The following RBL2 variants were observed in gnomAD, a reference collection of about 807,000 sequenced individuals.
The protein encoded by RBL2 is retinoblastoma-like protein 2.
Under a neutral mutation model 126.0 loss-of-function variants are expected in RBL2, and 56 were observed. The observed-to-expected ratio is 0.44, with a 90% confidence interval of 0.36 to 0.56. The LOEUF (loss-of-function observed/expected upper bound fraction) is 0.56, where lower values mean the gene tolerates loss of function less well. Ranked by LOEUF, RBL2 falls within the 20% of genes least tolerant of loss-of-function variation. The pLI is 0.00. For synonymous variants in RBL2, 454 were observed against 478.5 expected (o/e 0.95, Z 0.67); for missense variants, 1,229 against 1,398.2 (o/e 0.88, Z 1.93).
intron 8 of RBL2, among the ~76,000 whole-genome samples, chr16:53,457,897 T>G (rs1469198789): frequency 6.6e-6 from 1 of 152,206 alleles, no homozygotes; most frequent in Non-Finnish European, 1.5e-5. Context: ...TGTGGTTATA[T>G]GCTGCTGGCT....
chr16:53,435,264 G>A (rs2153136760), intron 1 of RBL2, among the ~76,000 whole-genome samples: 1 of 152,258 alleles, frequency 6.6e-6, no homozygotes. Flanking sequence ...CTTTGCCCTG[G>A]CGTTGCGGGC....
chr16:53,457,277 T>TTTTTTTTTTTTTTTTTTG (rs1213898728), intron 8 of RBL2, among the ~76,000 whole-genome samples: 1 of 139,982 alleles, frequency 7.1e-6, no homozygotes, highest in Non-Finnish European at 1.6e-5. Flanking sequence ...TTTTTTTTTT[T>TTTTTTTTTTTTTTTTTTG]GAGATGGAGT....
At chr16:53,440,656 C>T (rs72801817) in intron 2 of RBL2, among the ~76,000 whole-genome samples, 45,213 of 151,954 alleles carry the variant, frequency 0.3, 7,108 homozygotes, top group Middle Eastern at 0.36. Context: ...CAGGTTCAAA[C>T]GATTCTCCCG....
chr16:53,436,023 AC>A (rs2057955298), intron 1 of RBL2, among the ~76,000 whole-genome samples: 1 of 152,184 alleles, frequency 6.6e-6, no homozygotes, highest in Non-Finnish European at 1.5e-5. Context: ...CACATAAAGC[AC>A]CCATATGGAC....
chr16:53,441,662 GAT>G (rs2058017590), intron 2 of RBL2, among the ~76,000 whole-genome samples: 1 of 152,132 alleles, frequency 6.6e-6, no homozygotes, highest in African/African-American at 2.4e-5. Context: ...CACGTAATAA[GAT>G]ATTGCTTATT....
rs572365272 is a variant in RBL2 at position 53,480,760 on chromosome 16, A to G, written c.3075A>G (p.Ser1025=). 1.5e-4 allele frequency: 241 copies of G among 1,611,538 alleles called. No homozygotes were observed. Among genetic ancestry groups the G allele is most frequent in the Non-Finnish European group, 2.0e-4 (232 of 1,178,966 alleles). The change falls in exon 20 of 22, where the codon TCA becomes TCG. Residue 1025 remains serine, a synonymous_variant. Transcript: ENST00000262133. Reference sequence around the variant, plus strand: ...TTAAGACATTTGCCATGAAGTACTCACAGGCAAATGTAAGTATGACAGGGA... The same window carrying G: ...TTAAGACATTTGCCATGAAGTACTCGCAGGCAAATGTAAGTATGACAGGGA... ...KQIKTFAMKY[S]QANMDAPPLS...
chr16:53,463,942 A>T (rs947723040), intron 11 of RBL2, among the ~76,000 whole-genome samples: 5 of 152,152 alleles, frequency 3.3e-5, no homozygotes, highest in African/African-American at 1.2e-4. Context: ...TCTTCTAAGC[A>T]TCAGTGTGTG....
At chr16:53,455,733 A>G (rs1567733175) in intron 8 of RBL2, among the ~76,000 whole-genome samples, 1 of 152,200 alleles carries the variant, frequency 6.6e-6, no homozygotes, top group East Asian at 1.9e-4. Flanking sequence ...GTGAGGAAGC[A>G]AGCCATATGA....
chr16:53,482,132 A>G (rs557526111), intron 21 of RBL2, among the ~76,000 whole-genome samples: 1 of 152,314 alleles, frequency 6.6e-6, no homozygotes, highest in African/African-American at 2.4e-5. Flanking sequence ...CATTTGTAAC[A>G]ATTTTCCACA....
chr16:53,487,484 G>A (rs984064409), intron 21 of RBL2: 5 of 152,168 alleles, frequency 3.3e-5, no homozygotes, highest in Non-Finnish European at 5.9e-5. Flanking sequence ...AATTGGATGT[G>A]CATATAACAA....
chr16:53,454,079 CAGAT>C (rs777629321), intron 7 of RBL2: 1 of 409,950 alleles, frequency 2.4e-6, no homozygotes, highest in Non-Finnish European at 4.6e-6. Context: ...AGCAGCTAGA[CAGAT>C]AGTTAAGCTT....
chr16:53,448,814 G>C (rs2058087869), intron 4 of RBL2: 1 of 152,210 alleles, frequency 6.6e-6, no homozygotes, highest in Non-Finnish European at 1.5e-5. Flanking sequence ...AGGCAGCTGA[G>C]CCCAGAAACT....
chr16:53,453,094 A>C (rs1030237536), intron 5 of RBL2, among the ~76,000 whole-genome samples: 9 of 152,088 alleles, frequency 5.9e-5, no homozygotes, highest in Admixed American at 5.2e-4. Context: ...GAACAGTGTA[A>C]TTTTTTTAAA....
chr16:53,469,949 A>G lies in RBL2; in HGVS notation c.2009A>G (p.Tyr670Cys). 2 of 1,608,588 alleles carry G rather than the reference A, an allele frequency of 1.2e-6. No homozygotes were observed. Among genetic ancestry groups the G allele is most frequent in the Non-Finnish European group, 1.7e-6 (2 of 1,176,478 alleles). Residue 670 changes from tyrosine to cysteine, a missense_variant, in exon 15 of 22, where the codon TAC (tyrosine) becomes TGC (cysteine). Physicochemically the swap from Tyr to Cys is radical, Grantham distance 194. Transcript: ENST00000262133. The stretch of plus-strand genomic sequence containing the variant: ...TCTCCAACCACATTATACGATAGGT[A>G]CAGCTCCCCACCAGCCAGCACTACC... ...ITSPTTLYDR[Y>C]SSPPASTTRR...
chr16:53,450,347 T>G (rs920206620), intron 4 of RBL2, among the ~76,000 whole-genome samples: 2 of 151,042 alleles, frequency 1.3e-5, no homozygotes, highest in Admixed American at 6.6e-5. Flanking sequence ...AAGCTGCAGG[T>G]GTGTGTGTGT....
rs8045197 is a variant in RBL2, at chr16:53,466,584, C to T, written c.1864-474C>T. Among the ~76,000 whole-genome samples, 1,107 of 151,954 alleles carry T rather than the reference C, an allele frequency of 7.3e-3. 20 individuals carry two copies. Among genetic ancestry groups the T allele is most frequent in the African/African-American group, 0.026 (1,062 of 41,414 alleles). ...TCATAAGGAGCATGCAACCTAGATC[C>T]CTTATGTGTGCAGTTCACAATAGGG... is the stretch of plus-strand genomic sequence containing the variant. On this transcript the variant is annotated intron_variant, in intron 13 of 21. Coordinates refer to ENST00000262133, the MANE Select transcript of RBL2 (RefSeq NM_005611.4).
Position 53,434,939 on chromosome 16 carries a change from C to A in RBL2, c.240+143C>A, listed in dbSNP as rs1030565814. 7.0e-6 allele frequency: 9 copies of A among 1,293,996 alleles called. No individual in the cohort carries two copies. In the African/African-American group the frequency reaches 1.1e-4, roughly 16 times the overall value. 80.2% of individuals were successfully genotyped at this position (1,293,996 alleles called of 1,614,324 possible). A position where few individuals can be genotyped will look rare whatever the true frequency, so the allele number is the denominator to read the frequency against. On this transcript the variant is annotated intron_variant, in intron 1 of 21. Coordinates refer to ENST00000262133, the MANE Select transcript of RBL2 (RefSeq NM_005611.4). ...GGGTGGGGACTTCCTCTGCGCTATT[C>A]CGAGGCTCTTAGCCGCTCCGAGGGC...
chr16:53,448,285 T>C (rs886938108), intron 4 of RBL2, among the ~76,000 whole-genome samples: 10 of 150,926 alleles, frequency 6.6e-5, no homozygotes, highest in African/African-American at 2.4e-4. Context: ...GCCTCCCGAG[T>C]AGCTGGGATT....
chr16:53,450,797 A>C (rs1321822829), intron 4 of RBL2, among the ~76,000 whole-genome samples: 1 of 152,184 alleles, frequency 6.6e-6, no homozygotes, highest in African/African-American at 2.4e-5. Context: ...AGTATTAAAA[A>C]TGTTACTGTT....
Sources: allele counts gnomAD v4.1 joint callset (sites outside exome capture counted in the v4.1 genomes callset), GRCh38; gene constraint gnomAD v4.1.1; transcripts MANE v1.5; gene names NCBI Gene and HGNC (gene_info 2026-07-23, HGNC 2026-07-21).